Variants in ITGA11 observed in about 807,000 individuals in gnomAD.
The protein encoded by ITGA11 is integrin subunit alpha 11.
ITGA11 carries 97 observed loss-of-function variants against 141.9 expected under a neutral mutation model. The ratio of observed to expected loss-of-function variants is 0.68; its 90% CI spans 0.58 to 0.81. The LOEUF (loss-of-function observed/expected upper bound fraction) is 0.81, where lower values mean the gene tolerates loss of function less well. ITGA11 is among the 30% of genes least tolerant of loss of function. The pLI, the probability that ITGA11 is intolerant of heterozygous loss-of-function variation, is 0.00. For synonymous variants in ITGA11, 658 were observed against 624.6 expected (o/e 1.05, Z -0.80); for missense variants, 1,387 against 1,559.2 (o/e 0.89, Z 1.86).
At position 68,372,809 on chromosome 15, in the gene ITGA11, T is replaced by G. The variant is rs1233060371; in HGVS notation, c.165-3525A>C. Among the ~76,000 whole-genome samples, 6 of 152,184 alleles carry G rather than the reference T, an allele frequency of 3.9e-5. No individual in the cohort carries two copies. The East Asian group carries it at 1.2e-3, about 29-fold the overall frequency. On this transcript the variant is annotated intron_variant, in intron 2 of 29. Transcript: ENST00000315757. ...CTCACACCCTCTCCAACAAGGCTCTTTGGGGACTCATCCTGAATTCTGCTT... is the reference window on the plus strand; with the variant it reads ...CTCACACCCTCTCCAACAAGGCTCTGTGGGGACTCATCCTGAATTCTGCTT...
chr15:68,325,101 C>T lies in ITGA11; in HGVS notation c.2322+30G>A, dbSNP rs201555341. 237 of 1,543,870 alleles carry T rather than the reference C, an allele frequency of 1.5e-4. 1 individual carries two copies. The African/African-American group carries it at 2.9e-3, about 19-fold the overall frequency. On this transcript the variant is annotated intron_variant, in intron 18 of 29. Coordinates refer to ENST00000315757, the MANE Select transcript of ITGA11 (RefSeq NM_001004439.2). This position sits in a 1 kb window ranked among gnomAD's most constrained non-coding sequence, Gnocchi z 5.5. Reference sequence around the variant, plus strand: ...GTGGAGGTGGGGGTGGGGTTCATGCCCGAGGTGCGTGCCCTGTACCGAGAT... The same window carrying T: ...GTGGAGGTGGGGGTGGGGTTCATGCTCGAGGTGCGTGCCCTGTACCGAGAT...
chr15:68,364,879 G>A (rs1015006998), intron 3 of ITGA11, 81 bp from the exon 4 acceptor site: 15 of 1,359,956 alleles, frequency 1.1e-5, no homozygotes, highest in African/African-American at 8.6e-5. Context: ...CTGGTCACCC[G>A]AGGTGCCTCC....
chr15:68,360,858 T>C (rs1895221080), intron 5 of ITGA11, among the ~76,000 whole-genome samples: 1 of 152,056 alleles, frequency 6.6e-6, no homozygotes, highest in African/African-American at 2.4e-5. Context: ...CCCAGCCCCA[T>C]CTGACTCGGC....
chr15:68,387,639 A>G (rs1327981224), intron 2 of ITGA11, among the ~76,000 whole-genome samples: 1 of 152,160 alleles, frequency 6.6e-6, no homozygotes, highest in Non-Finnish European at 1.5e-5. Flanking sequence ...GTGTTAATGT[A>G]TATTATAAAC....
chr15:68,361,315 G>T (rs958651002), intron 5 of ITGA11, among the ~76,000 whole-genome samples: 1 of 152,154 alleles, frequency 6.6e-6, no homozygotes, highest in African/African-American at 2.4e-5. Context: ...TATACCCAGG[G>T]TTTCTGCAGT....
rs781122861 is a variant in ITGA11 at position 68,321,438 on chromosome 15, C to A, written c.2388G>T (p.Arg796=). 1 of 1,590,962 alleles carries A rather than the reference C, an allele frequency of 6.3e-7. No individual in the cohort carries two copies. The highest frequency in any genetic ancestry group is 1.1e-5 in the South Asian group (1 of 88,262). ...HCVPDLVLDA[R]SDLPTAMEYC... ...CTCACATGGCCGTGGGCAGGTCACTCCGGGCATCCAACACAAGGTCAGGGA... is the reference window on the plus strand; with the variant it reads ...CTCACATGGCCGTGGGCAGGTCACTACGGGCATCCAACACAAGGTCAGGGA... The change falls in exon 19 of 30, where the codon CGG becomes CGT. Residue 796 remains arginine, a synonymous_variant. Coordinates refer to ENST00000315757, the MANE Select transcript of ITGA11 (RefSeq NM_001004439.2). The surrounding 1 kb of genome is among the most constrained non-coding windows in gnomAD (Gnocchi z 4.9).
rs1893819205 is a variant in ITGA11 at position 68,321,683 on chromosome 15, C to T, written c.2323-180G>A. ...AGATGCTTCCCTCTTTAAAACGATGCTCAAAGCTCAGCTCCTCCTGGCTCC... is the reference window on the plus strand; with the variant it reads ...AGATGCTTCCCTCTTTAAAACGATGTTCAAAGCTCAGCTCCTCCTGGCTCC... On this transcript the variant is annotated intron_variant, in intron 18 of 29. Transcript: ENST00000315757. The surrounding 1 kb of genome is among the most constrained non-coding windows in gnomAD (Gnocchi z 4.9). Among the ~76,000 whole-genome samples, 2 of 152,154 alleles carry T rather than the reference C, an allele frequency of 1.3e-5. No individual in the cohort carries two copies. Among genetic ancestry groups the T allele is most frequent in the East Asian group, 3.8e-4 (2 of 5,196 alleles).
At chr15:68,323,399 T>A (rs1012193445) in intron 18 of ITGA11, among the ~76,000 whole-genome samples, 7 of 152,256 alleles carry the variant, frequency 4.6e-5, no homozygotes, top group Non-Finnish European at 5.9e-5. Context: ...AATTTCTATC[T>A]GGCTGATTAA....
chr15:68,392,410 G>C (rs777548838), intron 2 of ITGA11, among the ~76,000 whole-genome samples: 26 of 152,208 alleles, frequency 1.7e-4, no homozygotes, highest in Non-Finnish European at 3.2e-4. Flanking sequence ...CATTTTCTTT[G>C]CTGAAGCACA....
At position 68,305,307 on chromosome 15, in the gene ITGA11, C is replaced by A. The variant is rs1893156723; in HGVS notation, c.3382-1422G>T. Among the ~76,000 whole-genome samples, 1 of 152,230 alleles carries A rather than the reference C, an allele frequency of 6.6e-6. No individual in the cohort carries two copies. Among genetic ancestry groups the A allele is most frequent in the African/African-American group, 2.4e-5 (1 of 41,456 alleles). On this transcript the variant is annotated intron_variant, in intron 28 of 29. Coordinates refer to ENST00000315757, the MANE Select transcript of ITGA11 (RefSeq NM_001004439.2). The surrounding 1 kb of genome is among the most constrained non-coding windows in gnomAD (Gnocchi z 4.6). ...TTATTGGAGAGGCTTTTCCCAACTC[C>A]CCTGTATAAAACAGCACCCCCTGGC...
At chr15:68,431,651 C>T (rs180884280) in intron 1 of ITGA11, among the ~76,000 whole-genome samples, 1,780 of 152,346 alleles carry the variant, frequency 0.012, 42 homozygotes, top group African/African-American at 0.04. Context: ...CGTGCGCCCT[C>T]GGCGCTCCCG....
In ITGA11 at chr15:68,325,465, G is replaced by C. The variant is rs770799725; in HGVS notation, c.2212-224C>G. Among the ~76,000 whole-genome samples, 6 of 152,168 alleles carry C rather than the reference G, an allele frequency of 3.9e-5. No individual in the cohort carries two copies. Among genetic ancestry groups the C allele is most frequent in the Non-Finnish European group, 7.3e-5 (5 of 68,034 alleles). ...TCCAAGCTCAGCTCATGCCAACCTAGCTGCCTGGCTGTTTTGCCAAGCTCC... is the reference window on the plus strand; with the variant it reads ...TCCAAGCTCAGCTCATGCCAACCTACCTGCCTGGCTGTTTTGCCAAGCTCC... On this transcript the variant is annotated intron_variant, in intron 17 of 29. Transcript: ENST00000315757. The surrounding 1 kb of genome is among the most constrained non-coding windows in gnomAD (Gnocchi z 5.5).
At chr15:68,400,708 A>AATATTAT (rs1555400633) in intron 2 of ITGA11, among the ~76,000 whole-genome samples, 1 of 23,712 alleles carries the variant, frequency 4.2e-5, no homozygotes, top group Middle Eastern at 0.024. Flanking sequence ...TTATATAATA[A>AATATTAT]ATATTATATA....
rs752218091 is a variant in ITGA11, at chr15:68,348,852, C to G, written c.1109G>C (p.Gly370Ala). 18 of 1,609,060 alleles carry G rather than the reference C, an allele frequency of 1.1e-5. No individual in the cohort carries two copies. The South Asian group carries it at 1.3e-4, about 12-fold the overall frequency. ...TSFGLEMSQT[G>A]FSSHVVEDGV... ...TACCTCCACCACGTGCGAGGAAAAG[C>G]CCGTCTGTGACATCTCCAGCCCAAA... is the stretch of plus-strand genomic sequence containing the variant. The change falls in exon 10 of 30, where the codon GGC (glycine) becomes GCC (alanine). Residue 370 changes from glycine (G) to alanine (A), a missense_variant. Coordinates refer to ENST00000315757, the MANE Select transcript of ITGA11 (RefSeq NM_001004439.2).
rs1894238905 is a variant in ITGA11 at position 68,333,322 on chromosome 15, A to G, written c.1426-844T>C. ...CACTATGTTGCCCAGGCTGGTCTGG[A>G]ACTCCTACGCTTCAGTGATCCTCCC... On this transcript the variant is annotated intron_variant, in intron 12 of 29. Coordinates refer to ENST00000315757, the MANE Select transcript of ITGA11 (RefSeq NM_001004439.2). This position sits in a 1 kb window ranked among gnomAD's most constrained non-coding sequence, Gnocchi z 4.2. Among the ~76,000 whole-genome samples, 3 of 152,154 alleles carry G rather than the reference A, an allele frequency of 2.0e-5. No homozygotes were observed. The highest frequency in any genetic ancestry group is 2.9e-5 in the Non-Finnish European group (2 of 68,030).
At chr15:68,423,334 G>T (rs1036518347) in intron 1 of ITGA11, among the ~76,000 whole-genome samples, 1 of 152,084 alleles carries the variant, frequency 6.6e-6, no homozygotes, top group African/African-American at 2.4e-5. Context: ...GAGGTTTTCA[G>T]GAGGAAGTGG....
rs1193795621 is a variant in ITGA11 at position 68,311,064 on chromosome 15, T to C, written c.3104A>G (p.Asn1035Ser). The C allele has an allele frequency of 1.9e-6, 3 of 1,607,848 alleles. No homozygotes were observed. The Admixed American group carries it at 5.1e-5, about 27-fold the overall frequency. Residue 1035 changes from asparagine to serine, a missense_variant, in exon 26 of 30, where the codon AAC becomes AGC. Transcript: ENST00000315757. The stretch of plus-strand genomic sequence containing the variant: ...GTACTCAGTGCTATTGCCCCAGATG[T>C]TACAGGACGTGTTCGCCTACATAAA... ...FLTDEANTSC[N>S]IWGNSTEYRP...
intron 1 of ITGA11, among the ~76,000 whole-genome samples, chr15:68,404,735 C>A (rs1896599386): frequency 6.6e-6 from 1 of 152,172 alleles, no homozygotes; most frequent in South Asian, 2.1e-4. Context: ...TTTCAGGATA[C>A]ATCTGGCCTT....
rs985349735 is a variant in ITGA11, at chr15:68,335,659, C to T, written c.1425+38G>A. ...CTCCCATTTGTCTGATCTGCCCCCT[C>T]TTCCCTCCATCCCGGCCCCAGGCTC... On this transcript the variant is annotated intron_variant, in intron 12 of 29. Transcript: ENST00000315757. The surrounding 1 kb of genome is among the most constrained non-coding windows in gnomAD (Gnocchi z 4.9). 2 of 1,607,854 alleles carry T rather than the reference C, an allele frequency of 1.2e-6. No individual in the cohort carries two copies. Among genetic ancestry groups the T allele is most frequent in the African/African-American group, 2.7e-5 (2 of 74,834 alleles).
Sources: gnomAD v4.1 joint callset for allele counts (sites outside exome capture counted in the v4.1 genomes callset) on GRCh38, gnomAD v4.1.1 for gene constraint, Gnocchi (gnomAD v3.1) non-coding constraint, MANE v1.5 for transcripts, NCBI Gene and HGNC (gene_info 2026-07-23, HGNC 2026-07-21) for gene names.